The following FAM25G variants were observed in gnomAD, a reference collection of about 807,000 sequenced individuals.
The protein encoded by FAM25G is family with sequence similarity 25 member G.
In FAM25G, 3 loss-of-function variants were observed where a neutral mutation model predicts 6.4. The ratio of observed to expected loss-of-function variants is 0.47; its 90% CI spans 0.21 to 1.21. The LOEUF is 1.21. Ranked by LOEUF, FAM25G falls within the 50% of genes most tolerant of loss-of-function variation. The pLI, the probability that FAM25G is intolerant of heterozygous loss-of-function variation, is 0.22. For missense variants in FAM25G, 34 were observed against 76.0 expected, an observed-to-expected ratio of 0.45 and a Z score of 2.06; for synonymous variants, 15 against 31.3, an observed-to-expected ratio of 0.48 and a Z score of 1.74.
At chr10:47,488,712 A>ATTT (rs1840088979) in intron 2 of FAM25G, among the ~76,000 whole-genome samples, 26 of 95,966 alleles carry the variant, frequency 2.7e-4, no homozygotes, top group East Asian at 4.6e-4. Flanking sequence ...TTACATGTTA[A>ATTT]ATTTTTTTTT....
intron 2 of FAM25G, among the ~76,000 whole-genome samples, chr10:47,489,009 C>T (rs1289102765): frequency 6.8e-6 from 1 of 147,304 alleles, no homozygotes; most frequent in Non-Finnish European, 1.5e-5. Flanking sequence ...GCCACCGCCC[C>T]CAGCAATTAT....
chr10:47,488,767 G>T (rs1435982030), intron 2 of FAM25G, among the ~76,000 whole-genome samples: 1 of 108,006 alleles, frequency 9.3e-6, no homozygotes, highest in Non-Finnish European at 1.7e-5. Flanking sequence ...TCACACTGTC[G>T]CCCAGGCTGG....
intron 2 of FAM25G, among the ~76,000 whole-genome samples, chr10:47,487,774 G>T (rs1362312623): frequency 7.4e-6 from 1 of 134,754 alleles, no homozygotes; most frequent in Admixed American, 7.6e-5. Flanking sequence ...GGTTTATAGT[G>T]TTTTTTTTTT....
At position 47,490,045 on chromosome 10, in the gene FAM25G, C is replaced by T. The variant is rs1298868298; in HGVS notation, c.74-397G>A. Among the ~76,000 whole-genome samples, 70 of 149,782 alleles carry T rather than the reference C, an allele frequency of 4.7e-4. 3 individuals carry two copies. Among genetic ancestry groups the T allele is most frequent in the African/African-American group, 1.7e-3 (67 of 40,048 alleles). ...GAATGGCAATGAGCAGGCAGTCTTGCCAGCTGAGACATGAAGCCCAGGCTG... is the reference window on the plus strand; with the variant it reads ...GAATGGCAATGAGCAGGCAGTCTTGTCAGCTGAGACATGAAGCCCAGGCTG... On this transcript the variant is annotated intron_variant, in intron 1 of 2. Transcript: ENST00000452267.
chr10:47,488,454 A>G (rs1588938424), intron 2 of FAM25G, among the ~76,000 whole-genome samples: 1 of 148,108 alleles, frequency 6.8e-6, no homozygotes, highest in Non-Finnish European at 1.5e-5. Flanking sequence ...CAGGTGGCCC[A>G]CCCGCCTTGG....
intron 2 of FAM25G, among the ~76,000 whole-genome samples, chr10:47,489,110 C>T (rs1475421893): frequency 6.6e-6 from 1 of 150,446 alleles, no homozygotes; most frequent in Non-Finnish European, 1.5e-5. Flanking sequence ...CTCTGCCTCC[C>T]AGGTACACAC....
chr10:47,487,907 G>A (rs1840075267), intron 2 of FAM25G, among the ~76,000 whole-genome samples: 1 of 151,058 alleles, frequency 6.6e-6, no homozygotes, highest in East Asian at 2.0e-4. Flanking sequence ...AGTCTCTGAT[G>A]TTATTACTAT....
intron 2 of FAM25G, among the ~76,000 whole-genome samples, chr10:47,487,943 C>A (rs1334414116): frequency 6.6e-6 from 1 of 150,884 alleles, no homozygotes; most frequent in East Asian, 2.0e-4. Flanking sequence ...ATGTCTTCCC[C>A]CTCAAAACTC....
intron 2 of FAM25G, among the ~76,000 whole-genome samples, chr10:47,488,297 G>A (rs1356175233): frequency 5.6e-5 from 8 of 142,726 alleles, no homozygotes; most frequent in African/African-American, 1.1e-4. Flanking sequence ...TGCAACCTCC[G>A]CCTCCCAGGT....
intron 2 of FAM25G, among the ~76,000 whole-genome samples, chr10:47,488,496 C>T (rs1840085095): frequency 1.3e-5 from 2 of 150,878 alleles, no homozygotes; most frequent in African/African-American, 4.9e-5. Flanking sequence ...CAGGCGTGAG[C>T]CACTGCACCT....
At chr10:47,490,296 C>T (rs1840127292) in intron 1 of FAM25G, 1 of 156,206 alleles carries the variant, frequency 6.4e-6, no homozygotes, top group Non-Finnish European at 1.4e-5. Flanking sequence ...CCTTCCACCT[C>T]TTGGTTCCCT....
chr10:47,489,046 C>G lies in FAM25G; in HGVS notation c.136+540G>C, dbSNP rs1282415123. 8.7e-4 allele frequency among the ~76,000 whole-genome samples: 124 copies of G among 141,788 alleles called. 7 individuals are homozygous for G. In the East Asian group the frequency reaches 0.025, roughly 29 times the overall value. The allele number at this position is 141,788 out of a possible 152,430, so 93.0% of individuals were successfully genotyped here. On this transcript the variant is annotated intron_variant, in intron 2 of 2. Coordinates refer to ENST00000452267, the MANE Select transcript of FAM25G (RefSeq NM_001137549.2). ...TTTTTCTTTTTTTTTGAGACCGAGT[C>G]TTGCTCTGTAGCCCAGGCTGGAGTG...
rs1160121365 is a variant in FAM25G, at chr10:47,488,713, ATTTTTTTTTTTTT to A, written c.136+860_136+872del. Among the ~76,000 whole-genome samples the A allele has an allele frequency of 6.8e-3, 423 of 62,100 alleles. 1 individual carries two copies. Among genetic ancestry groups the A allele is most frequent in the South Asian group, 8.6e-3 (12 of 1,396 alleles). The allele number at this position is 62,100 out of a possible 152,430, so 40.7% of individuals were successfully genotyped here. The stretch of plus-strand genomic sequence containing the variant: ...TTTAACATAGAATTTTACATGTTAA[ATTTTTTTTTTTTT>A]TTTTTTTTTTTTTTTTTTTGAGACA... On this transcript the variant is annotated intron_variant, in intron 2 of 2. Transcript: ENST00000452267.
At chr10:47,488,252 C>T (rs2132450171) in intron 2 of FAM25G, among the ~76,000 whole-genome samples, 1 of 140,690 alleles carries the variant, frequency 7.1e-6, no homozygotes, top group South Asian at 2.4e-4. Context: ...GCTCTGTCAC[C>T]CAGGCTGGAG....
intron 2 of FAM25G, among the ~76,000 whole-genome samples, chr10:47,487,776 T>G (rs1413305417): frequency 1.7e-4 from 24 of 145,124 alleles, no homozygotes; most frequent in East Asian, 8.6e-4. Flanking sequence ...TTTATAGTGT[T>G]TTTTTTTTTG....
chr10:47,488,796 C>T (rs1374421581), intron 2 of FAM25G, among the ~76,000 whole-genome samples: 10 of 124,860 alleles, frequency 8.0e-5, no homozygotes, highest in East Asian at 2.6e-4. Context: ...GTCGCGATCT[C>T]GGCTCACTGC....
In FAM25G at chr10:47,488,410, C is replaced by A. The variant is rs1459448410; in HGVS notation, c.137-1002G>T. Among the ~76,000 whole-genome samples, 100 of 140,594 alleles carry A rather than the reference C, an allele frequency of 7.1e-4. 1 individual carries two copies. The highest frequency in any genetic ancestry group is 2.6e-3 in the African/African-American group (98 of 37,216). 92.2% of individuals were successfully genotyped at this position (140,594 alleles called of 152,430 possible). ...ATTTTTAGTAGCAATGGGGTTTTACCATATTGGTCAGGCTGGTCTCGAACT... is the reference window on the plus strand; with the variant it reads ...ATTTTTAGTAGCAATGGGGTTTTACAATATTGGTCAGGCTGGTCTCGAACT... On this transcript the variant is annotated intron_variant, in intron 2 of 2. Coordinates refer to ENST00000452267, the MANE Select transcript of FAM25G (RefSeq NM_001137549.2).
intron 1 of FAM25G, among the ~76,000 whole-genome samples, chr10:47,489,908 C>T (rs1378613409): frequency 2.7e-5 from 4 of 150,168 alleles, no homozygotes; most frequent in African/African-American, 5.0e-5. Flanking sequence ...GAAGGACCTT[C>T]CCCCACAGCT....
At chr10:47,490,677 A>T (rs1466854112) in intron 1 of FAM25G, among the ~76,000 whole-genome samples, 5 of 141,676 alleles carry the variant, frequency 3.5e-5, no homozygotes, top group Non-Finnish European at 7.6e-5. Context: ...ATCATAAAAA[A>T]CTCAGAGGCT....
Sources: allele counts gnomAD v4.1 joint callset (sites outside exome capture counted in the v4.1 genomes callset), GRCh38; gene constraint gnomAD v4.1.1; transcripts MANE v1.5; gene names NCBI Gene and HGNC (gene_info 2026-07-23, HGNC 2026-07-21).